Variants in TSPEAR observed in about 807,000 individuals in gnomAD.
TSPEAR encodes the protein thrombospondin-type laminin G domain and EAR repeat-containing protein.
In TSPEAR, 69 loss-of-function variants were observed where a neutral mutation model predicts 71.6. The observed-to-expected ratio is 0.96, with a 90% CI of 0.79 to 1.18. The LOEUF (loss-of-function observed/expected upper bound fraction) is 1.18, where lower values mean the gene tolerates loss of function less well. TSPEAR is among the 50% of genes most tolerant of loss of function. TSPEAR has a pLI of 0.00. For synonymous variants in TSPEAR, 402 were observed against 387.2 expected, an observed-to-expected ratio of 1.04 and a Z score of -0.45; for missense variants, 971 against 894.9, an observed-to-expected ratio of 1.09 and a Z score of -1.09.
chr21:44,613,020 C>T, intron 1 of TSPEAR: 1 of 1,263,796 alleles, frequency 7.9e-7, no homozygotes, highest in Non-Finnish European at 1.1e-6. Context: ...GGTGACCTCT[C>T]CCTCCTTACT....
chr21:44,504,290 G>A (rs2052137436), intron 11 of TSPEAR, among the ~76,000 whole-genome samples: 2 of 147,516 alleles, frequency 1.4e-5, no homozygotes, highest in South Asian at 4.4e-4. Context: ...GCTCTGGGAG[G>A]AAGCCGGCCT....
chr21:44,517,620 G>A (rs587709919), intron 9 of TSPEAR: 37 of 383,288 alleles, frequency 9.7e-5, no homozygotes, highest in African/African-American at 2.7e-4. Context: ...GCTTCCCACC[G>A]TGTGTGCTCC....
chr21:44,646,524 C>A, intron 1 of TSPEAR: 1 of 1,612,816 alleles, frequency 6.2e-7, no homozygotes, highest in Non-Finnish European at 8.5e-7. Context: ...TGGACGACTG[C>A]CCAGAGAGCT....
At position 44,711,461 on chromosome 21, in the gene TSPEAR, G is replaced by A. The variant is rs368945638; in HGVS notation, c.54C>T (p.His18=). 9.5e-5 allele frequency: 153 copies of A among 1,610,890 alleles called. 1 individual carries two copies. The South Asian group carries it at 1.4e-3, about 15-fold the overall frequency. Residue 18 remains histidine (H), a synonymous_variant, in exon 1 of 12, where the codon CAC becomes CAT. Coordinates refer to ENST00000323084, the MANE Select transcript of TSPEAR (RefSeq NM_144991.3). This position sits in a 1 kb window ranked among gnomAD's most constrained non-coding sequence, Gnocchi z 4.5. ...TGCAGGGCTCCCAACCCTGCGTGCC[G>A]TGGCCGGGGGCCGCCAGGGGCAGCA... ...CFVLPLAAPG[H]GTQGWEPCTD...
chr21:44,671,812 C>A (rs1302724003), intron 1 of TSPEAR, among the ~76,000 whole-genome samples: 2 of 152,066 alleles, frequency 1.3e-5, no homozygotes, highest in Non-Finnish European at 2.9e-5. Context: ...AAATGTCACA[C>A]CTCCAAAGGG....
intron 9 of TSPEAR, chr21:44,517,489 T>A (rs587688232): frequency 6.8e-6 from 2 of 294,600 alleles, no homozygotes; most frequent in East Asian, 2.0e-4. Flanking sequence ...GGCTGGGTCA[T>A]ATGACAAGCA....
Position 44,698,074 on chromosome 21 carries a change from GCACAGCCT to G in TSPEAR, c.82+13351_82+13358del, listed in dbSNP as rs1230500888. 4.5e-6 allele frequency: 5 copies of G among 1,108,090 alleles called. No homozygotes were observed. The African/African-American group carries it at 8.0e-5, about 18-fold the overall frequency. The allele number at this position is 1,108,090 out of a possible 1,614,324, so 68.6% of individuals were successfully genotyped here. ...GTCTGTCTCTTCCTTGGAGATGCGT[GCACAGCCT>G]CTCTTCCCCTAAGCCCTGGGGGCTC... is the stretch of plus-strand genomic sequence containing the variant. On this transcript the variant is annotated intron_variant, in intron 1 of 11. Coordinates refer to ENST00000323084, the MANE Select transcript of TSPEAR (RefSeq NM_144991.3).
chr21:44,665,937 A>G (rs1391842209), intron 1 of TSPEAR, among the ~76,000 whole-genome samples: 1 of 152,202 alleles, frequency 6.6e-6, no homozygotes, highest in African/African-American at 2.4e-5. Context: ...AGGAGTGGAC[A>G]GCCAGTGGGG....
intron 1 of TSPEAR, among the ~76,000 whole-genome samples, chr21:44,640,681 CA>C (rs1983975624): frequency 6.6e-6 from 1 of 152,196 alleles, no homozygotes; most frequent in East Asian, 1.9e-4. Context: ...GCATGCCATC[CA>C]CAGACCAGGT....
chr21:44,607,148 T>G (rs142933621), intron 1 of TSPEAR, among the ~76,000 whole-genome samples: 233 of 152,328 alleles, frequency 1.5e-3, no homozygotes, highest in African/African-American at 5.4e-3. Flanking sequence ...AGTGGCACAA[T>G]AGCTCACTGC....
At position 44,499,311 on chromosome 21, in the gene TSPEAR, G is replaced by A. The variant is rs1360404424; in HGVS notation, c.*472C>T. The A allele has an allele frequency of 6.5e-6, 1 of 154,550 alleles. No individual in the cohort carries two copies. The highest frequency in any genetic ancestry group is 1.4e-5 in the Non-Finnish European group (1 of 69,342). The allele number at this position is 154,550 out of a possible 1,614,324, so 9.6% of individuals were successfully genotyped here. A position where few individuals can be genotyped will look rare whatever the true frequency, so the allele number is the denominator to read the frequency against. ...AGAGGAGCACCGGTGCTTTTGTAAA[G>A]AGCAGTATAAATACACTTCCGTTCA... is the stretch of plus-strand genomic sequence containing the variant. On this transcript the variant is annotated 3_prime_UTR_variant, in exon 12 of 12. Transcript: ENST00000323084.
At chr21:44,659,465 C>T (rs1188071153) in intron 1 of TSPEAR, among the ~76,000 whole-genome samples, 1 of 152,064 alleles carries the variant, frequency 6.6e-6, no homozygotes, top group Non-Finnish European at 1.5e-5. Context: ...TTGACTCATC[C>T]ACCTCCCCCC....
chr21:44,666,751 C>T (rs1555944872), intron 1 of TSPEAR: 1 of 1,614,126 alleles, frequency 6.2e-7, no homozygotes, highest in Non-Finnish European at 8.5e-7. Context: ...CTCACGGGCA[C>T]ACACACGGAG....
intron 2 of TSPEAR, among the ~76,000 whole-genome samples, chr21:44,555,486 G>T (rs1395134863): frequency 2.0e-5 from 3 of 152,176 alleles, no homozygotes; most frequent in Admixed American, 2.0e-4. Context: ...ACTCCCTGAA[G>T]ATGCAGAAGC....
chr21:44,570,627 A>G (rs949627572), intron 1 of TSPEAR, among the ~76,000 whole-genome samples: 1 of 152,186 alleles, frequency 6.6e-6, no homozygotes, highest in Non-Finnish European at 1.5e-5. Context: ...TGAATCCAAC[A>G]TAGGAGCTTT....
intron 1 of TSPEAR, among the ~76,000 whole-genome samples, chr21:44,640,522 A>T (rs1444227831): frequency 6.6e-6 from 1 of 152,254 alleles, no homozygotes; most frequent in East Asian, 1.9e-4. Flanking sequence ...ACAGTGGGTG[A>T]ACTTCATGGC....
At chr21:44,569,912 C>T (rs115642757) in intron 1 of TSPEAR, among the ~76,000 whole-genome samples, 1,577 of 152,124 alleles carry the variant, frequency 0.01, 27 homozygotes, top group African/African-American at 0.036. Flanking sequence ...CTCAGGCTGG[C>T]GGAGGTTGGG....
chr21:44,595,023 T>C (rs1980269490), intron 1 of TSPEAR, among the ~76,000 whole-genome samples: 1 of 152,128 alleles, frequency 6.6e-6, no homozygotes, highest in Admixed American at 6.5e-5. Flanking sequence ...GGTTTCACCA[T>C]GTTGACCAGG....
At position 44,532,146 on chromosome 21, in the gene TSPEAR, G is replaced by A. The variant is rs587684565; in HGVS notation, c.543-1013C>T. 1.1e-4 allele frequency among the ~76,000 whole-genome samples: 16 copies of A among 152,328 alleles called. 1 individual carries two copies. Among genetic ancestry groups the A allele is most frequent in the East Asian group, 9.6e-4 (5 of 5,190 alleles). On this transcript the variant is annotated intron_variant, in intron 3 of 11. Coordinates refer to ENST00000323084, the MANE Select transcript of TSPEAR (RefSeq NM_144991.3). ...GCCTGCCAAGGGGTTAAGTTCTTCCGTGGCCACAATTGGTTCCAGGCCTGT... is the reference window on the plus strand; with the variant it reads ...GCCTGCCAAGGGGTTAAGTTCTTCCATGGCCACAATTGGTTCCAGGCCTGT...
Sources: allele counts gnomAD v4.1 joint callset (sites outside exome capture counted in the v4.1 genomes callset), GRCh38; gene constraint gnomAD v4.1.1; non-coding constraint Gnocchi (gnomAD v3.1); transcripts MANE v1.5; gene names NCBI Gene and HGNC (gene_info 2026-07-23, HGNC 2026-07-21).